The following APC variants were observed in gnomAD, a reference collection of about 807,000 sequenced individuals.
APC encodes the protein APC regulator of Wnt signaling pathway, also known as adenomatous polyposis coli protein.
A neutral mutation model predicts 247.0 loss-of-function variants in APC; 72 were observed. The ratio of observed to expected loss-of-function variants is 0.29; its 90% confidence interval spans 0.24 to 0.35. The LOEUF (loss-of-function observed/expected upper bound fraction) is 0.35, where lower values mean the gene tolerates loss of function less well. Ranked by LOEUF, APC falls within the 10% of genes least tolerant of loss-of-function variation. The probability of loss-of-function intolerance (pLI) is 1.00; values close to 1 mark genes in which losing one functional copy is unlikely to be tolerated. For synonymous variants in APC, 1,254 were observed against 1,162.5 expected (o/e 1.08, Z -1.60); for missense variants, 3,400 against 3,360.7 (o/e 1.01, Z -0.29).
chr5:112,832,875 T>A lies in APC; in HGVS notation c.1744-2076T>A, dbSNP rs114152867. Among the ~76,000 whole-genome samples, 528 of 152,316 alleles carry A rather than the reference T, an allele frequency of 3.5e-3. 4 individuals are homozygous for A. Among genetic ancestry groups the A allele is most frequent in the African/African-American group, 0.012 (505 of 41,568 alleles). On this transcript the variant is annotated intron_variant, in intron 14 of 15. Transcript: ENST00000257430. ...CCCCCAAAGCAAATTGCTAACACCT[T>A]CAATCACTGGTATCAGTTTGCTATG...
upstream of APC, among the ~76,000 whole-genome samples, chr5:112,735,573 T>C (rs2149677978): frequency 6.6e-6 from 1 of 151,970 alleles, no homozygotes; most frequent in South Asian, 2.1e-4. Flanking sequence ...GGAGCTTTAT[T>C]CTGAGCTATG....
chr5:112,768,124 A>G (rs538577589), intron 4 of APC, among the ~76,000 whole-genome samples: 28 of 150,260 alleles, frequency 1.9e-4, no homozygotes, highest in Admixed American at 3.3e-4. Flanking sequence ...GCTCACTGCA[A>G]CCTCTGCCTC....
At chr5:112,715,277 T>C (rs1751096532) in intron 1 of APC, among the ~76,000 whole-genome samples, 1 of 152,206 alleles carries the variant, frequency 6.6e-6, no homozygotes, top group Non-Finnish European at 1.5e-5. Context: ...AGAGCCTGTG[T>C]TGTCTGAGCT....
rs1752593729 is a variant in APC at position 112,738,466 on chromosome 5, G to A, written c.-19+541G>A. On this transcript the variant is annotated intron_variant, in intron 1 of 15. Coordinates refer to ENST00000257430, the MANE Select transcript of APC (RefSeq NM_000038.6). ...AGAGAAAGAGGAGGAGGCAGGTACTGCAGAGCGTGAGTGGTGGTGTTGGTT... is the reference window on the plus strand; with the variant it reads ...AGAGAAAGAGGAGGAGGCAGGTACTACAGAGCGTGAGTGGTGGTGTTGGTT... 4 of 985,932 alleles carry A rather than the reference G, an allele frequency of 4.1e-6. No individual in the cohort carries two copies. Among genetic ancestry groups the A allele is most frequent in the Non-Finnish European group, 4.8e-6 (4 of 830,152 alleles). The allele number at this position is 985,932 out of a possible 1,614,324, so 61.1% of individuals were successfully genotyped here. A position where few individuals can be genotyped will look rare whatever the true frequency, so the allele number is the denominator to read the frequency against.
intron 11 of APC, among the ~76,000 whole-genome samples, chr5:112,826,694 A>G (rs988316126): frequency 6.6e-6 from 1 of 151,562 alleles, no homozygotes; most frequent in African/African-American, 2.4e-5. Flanking sequence ...AAATTAAAGT[A>G]GTTAGGCCAC....
intron 8 of APC, among the ~76,000 whole-genome samples, chr5:112,811,792 C>T (rs1762006991): frequency 6.6e-6 from 1 of 152,246 alleles, no homozygotes; most frequent in African/African-American, 2.4e-5. Context: ...CAAAACTTAA[C>T]AGCATTAGTA....
intron 8 of APC, among the ~76,000 whole-genome samples, chr5:112,808,426 C>CT (rs992744664): frequency 2.1e-4 from 32 of 151,850 alleles, no homozygotes; most frequent in Admixed American, 5.9e-4. Context: ...AGTTGTTTTT[C>CT]TTTTTTCTTT....
intron 4 of APC, among the ~76,000 whole-genome samples, chr5:112,767,861 C>T (rs996694293): frequency 1.3e-5 from 2 of 151,766 alleles, no homozygotes; most frequent in East Asian, 1.9e-4. Flanking sequence ...CACTTAAATA[C>T]TTTGACTACT....
At chr5:112,772,659 A>C (rs533988127) in intron 4 of APC, among the ~76,000 whole-genome samples, 18 of 151,630 alleles carry the variant, frequency 1.2e-4, no homozygotes, top group Admixed American at 7.2e-4. Flanking sequence ...TAGGACTATG[A>C]GTATCTGCCA....
chr5:112,777,263 T>C (rs1757756789), intron 5 of APC, among the ~76,000 whole-genome samples: 1 of 152,100 alleles, frequency 6.6e-6, no homozygotes, highest in African/African-American at 2.4e-5. Flanking sequence ...GTGTGCATTT[T>C]CTTTATACAC....
intron 4 of APC, among the ~76,000 whole-genome samples, chr5:112,774,248 T>G (rs1023955096): frequency 4.6e-5 from 7 of 152,164 alleles, no homozygotes; most frequent in African/African-American, 1.2e-4. Context: ...TAGTATAGAT[T>G]GAGCATCCCA....
intron 6 of APC, among the ~76,000 whole-genome samples, chr5:112,789,944 C>G (rs1759390164): frequency 6.6e-6 from 1 of 151,972 alleles, no homozygotes; most frequent in Non-Finnish European, 1.5e-5. Flanking sequence ...ACTGCAACCT[C>G]CGCCTCCCAG....
At chr5:112,766,948 A>G (rs1179396507) in intron 3 of APC, among the ~76,000 whole-genome samples, 2 of 152,242 alleles carry the variant, frequency 1.3e-5, no homozygotes, top group Non-Finnish European at 2.9e-5. Context: ...ATTCTAAAAT[A>G]TTATTTAGAG....
At chr5:112,803,937 A>T (rs75115654) in intron 8 of APC, among the ~76,000 whole-genome samples, 3 of 152,182 alleles carry the variant, frequency 2.0e-5, no homozygotes, top group African/African-American at 7.2e-5. Context: ...CTCACCTCCC[A>T]TATATTAGAA....
intron 1 of APC, among the ~76,000 whole-genome samples, chr5:112,712,738 A>T (rs1029471168): frequency 2.0e-4 from 30 of 151,020 alleles, no homozygotes; most frequent in African/African-American, 7.1e-4. Context: ...TTTTCTAACT[A>T]CCTCTCTCTC....
rs548403842 is a variant in APC at position 112,844,682 on chromosome 5, A to G, written c.*556A>G. On this transcript the variant is annotated 3_prime_UTR_variant, in exon 16 of 16. Coordinates refer to ENST00000257430, the MANE Select transcript of APC (RefSeq NM_000038.6). ...ATGAAACTGATGGTTCAATTTCAGA[A>G]GTAATGATTAACAGTTATGTGGTCA... is the stretch of plus-strand genomic sequence containing the variant. 4.3e-6 allele frequency: 1 copy of G among 233,236 alleles called. No homozygotes were observed. Among genetic ancestry groups the G allele is most frequent in the South Asian group, 1.8e-4 (1 of 5,556 alleles). 14.4% of individuals were successfully genotyped at this position (233,236 alleles called of 1,614,324 possible). A position where few individuals can be genotyped will look rare whatever the true frequency, so the allele number is the denominator to read the frequency against.
chr5:112,844,222 T>C lies in APC; in HGVS notation c.*96T>C. On this transcript the variant is annotated 3_prime_UTR_variant, in exon 16 of 16. Transcript: ENST00000257430. The stretch of plus-strand genomic sequence containing the variant: ...TGAAACTTTAAAAGACTGAAAAATT[T>C]TGTAAATAGGTTTGATTCTTGTTAG... 8.3e-7 allele frequency: 1 copy of C among 1,205,672 alleles called. No individual in the cohort carries two copies. Among genetic ancestry groups the C allele is most frequent in the South Asian group, 1.4e-5 (1 of 71,038 alleles). The allele number at this position is 1,205,672 out of a possible 1,614,324, so 74.7% of individuals were successfully genotyped here.
chr5:112,807,920 C>A (rs990152083), intron 8 of APC, among the ~76,000 whole-genome samples: 1 of 151,984 alleles, frequency 6.6e-6, no homozygotes, highest in African/African-American at 2.4e-5. Flanking sequence ...TTCCAGAGGC[C>A]GGGGTGAGCG....
intron 1 of APC, among the ~76,000 whole-genome samples, chr5:112,715,363 A>G (rs1160780400): frequency 6.6e-6 from 1 of 152,198 alleles, no homozygotes; most frequent in Non-Finnish European, 1.5e-5. Context: ...ATCAGGTAGT[A>G]TATAGATCTT....
Sources: allele counts gnomAD v4.1 joint callset (sites outside exome capture counted in the v4.1 genomes callset), GRCh38; gene constraint gnomAD v4.1.1; transcripts MANE v1.5; gene names NCBI Gene and HGNC (gene_info 2026-07-23, HGNC 2026-07-21).